The following CDH13 variants were observed in gnomAD, a reference collection of about 807,000 sequenced individuals.
CDH13 encodes cadherin 13.
A neutral mutation model predicts 63.8 loss-of-function variants in CDH13; 24 were observed. The observed-to-expected ratio is 0.38, with a 90% CI of 0.27 to 0.53. The LOEUF (loss-of-function observed/expected upper bound fraction) is 0.53, where lower values mean the gene tolerates loss of function less well. CDH13 is among the 20% of genes least tolerant of loss of function. The pLI, the probability that CDH13 is intolerant of heterozygous loss-of-function variation, is 0.85. For missense variants in CDH13, 1,049 were observed against 903.1 expected, an observed-to-expected ratio of 1.16 and a Z score of -2.07; for synonymous variants, 503 against 355.3, an observed-to-expected ratio of 1.42 and a Z score of -4.67.
rs186644136 is a variant in CDH13 at position 83,696,884 on chromosome 16, C to A, written c.1538+18423C>A. On this transcript the variant is annotated intron_variant, in intron 10 of 13. Coordinates refer to ENST00000567109, the MANE Select transcript of CDH13 (RefSeq NM_001257.5). ...CCGTCTCTCCCCTGATGAAGCCCTT[C>A]AGTGCCTCCCATTTCACACTGAAGT... Among the ~76,000 whole-genome samples, 267 of 152,294 alleles carry A rather than the reference C, an allele frequency of 1.8e-3. 1 individual carries two copies. The highest frequency in any genetic ancestry group is 6.2e-3 in the African/African-American group (258 of 41,562).
At chr16:83,492,045 G>C (rs1042972353) in intron 7 of CDH13, among the ~76,000 whole-genome samples, 1 of 152,152 alleles carries the variant, frequency 6.6e-6, no homozygotes, top group African/African-American at 2.4e-5. Flanking sequence ...ATGCCATCTA[G>C]CCAACGAATT....
intron 2 of CDH13, among the ~76,000 whole-genome samples, chr16:82,901,841 G>A (rs560536510): frequency 2.0e-5 from 3 of 152,170 alleles, no homozygotes; most frequent in African/African-American, 4.8e-5. Flanking sequence ...TGAGGGTTTC[G>A]TTAAACTTGT....
At chr16:83,471,297 C>G (rs1190689810) in intron 6 of CDH13, among the ~76,000 whole-genome samples, 2 of 91,164 alleles carry the variant, frequency 2.2e-5, no homozygotes, top group Non-Finnish European at 4.0e-5. Flanking sequence ...TTTTTTGAGA[C>G]GTAGTTTTAC....
At chr16:82,921,435 C>A (rs540447599) in intron 2 of CDH13, among the ~76,000 whole-genome samples, 1 of 152,282 alleles carries the variant, frequency 6.6e-6, no homozygotes, top group African/African-American at 2.4e-5. Context: ...ATAGAATCTC[C>A]TTCTCAATTC....
chr16:83,341,580 TCTA>T (rs1276341109), intron 5 of CDH13, among the ~76,000 whole-genome samples: 1 of 152,190 alleles, frequency 6.6e-6, no homozygotes, highest in Non-Finnish European at 1.5e-5. Context: ...TTTTATTCAG[TCTA>T]CTATGTTTTC....
At chr16:82,758,600 G>A (rs557888358) in intron 1 of CDH13, among the ~76,000 whole-genome samples, 1 of 152,320 alleles carries the variant, frequency 6.6e-6, no homozygotes, top group Admixed American at 6.5e-5. Context: ...GAGCCAATCA[G>A]CAGCCTCTAG....
At chr16:82,764,097 G>T (rs1174396153) in intron 1 of CDH13, among the ~76,000 whole-genome samples, 2 of 152,174 alleles carry the variant, frequency 1.3e-5, no homozygotes, top group African/African-American at 4.8e-5. Context: ...CGTAGACCTG[G>T]CTTGTTCCTT....
chr16:83,096,001 G>A (rs957768033), intron 3 of CDH13, among the ~76,000 whole-genome samples: 4 of 152,188 alleles, frequency 2.6e-5, no homozygotes, highest in African/African-American at 9.6e-5. Flanking sequence ...CATGTCTTTA[G>A]GAGGTAGCAA....
chr16:83,558,919 C>G (rs1306979363), intron 7 of CDH13, among the ~76,000 whole-genome samples: 1 of 151,586 alleles, frequency 6.6e-6, no homozygotes, highest in Non-Finnish European at 1.5e-5. Flanking sequence ...TCCTCTGTAT[C>G]TGTGGCACAA....
chr16:82,973,906 C>A (rs1033670955), intron 2 of CDH13, among the ~76,000 whole-genome samples: 1 of 152,004 alleles, frequency 6.6e-6, no homozygotes, highest in Non-Finnish European at 1.5e-5. Flanking sequence ...TTTTTGCTTT[C>A]CCTCTCTAAG....
At chr16:83,320,173 A>G (rs987628737) in intron 5 of CDH13, among the ~76,000 whole-genome samples, 8 of 151,490 alleles carry the variant, frequency 5.3e-5, no homozygotes, top group African/African-American at 1.9e-4. Context: ...ACGAGTAGCT[A>G]CGACTACAGG....
At chr16:82,958,924 C>G (rs1348732967) in intron 2 of CDH13, among the ~76,000 whole-genome samples, 1 of 152,254 alleles carries the variant, frequency 6.6e-6, no homozygotes. Flanking sequence ...CGAATGAAAT[C>G]TACCCCCAAG....
chr16:83,034,287 C>T (rs901168911), intron 3 of CDH13, among the ~76,000 whole-genome samples: 5 of 152,132 alleles, frequency 3.3e-5, no homozygotes, highest in African/African-American at 9.7e-5. Flanking sequence ...GAGGGTGGAA[C>T]CTATCTGCCA....
chr16:82,908,267 C>G (rs141845831), intron 2 of CDH13, among the ~76,000 whole-genome samples: 1 of 152,070 alleles, frequency 6.6e-6, no homozygotes, highest in Non-Finnish European at 1.5e-5. Flanking sequence ...GGAGGAGGTG[C>G]CTTCTTTTGG....
chr16:82,639,278 G>C lies in CDH13; in HGVS notation c.45+12141G>C. The stretch of plus-strand genomic sequence containing the variant: ...GGTCTGGGCCCTGGACTTCCTGTCT[G>C]GGCTACTGATTGCAACCTTCAGAAC... On this transcript the variant is annotated intron_variant, in intron 1 of 13. Coordinates refer to ENST00000567109, the MANE Select transcript of CDH13 (RefSeq NM_001257.5). 3.3e-6 allele frequency: 3 copies of C among 909,554 alleles called. No homozygotes were observed. The South Asian group carries it at 5.6e-5, about 17-fold the overall frequency. The allele number at this position is 909,554 out of a possible 1,614,324, so 56.3% of individuals were successfully genotyped here. A position where few individuals can be genotyped will look rare whatever the true frequency, so the allele number is the denominator to read the frequency against.
chr16:82,702,449 C>A (rs1301929158), intron 1 of CDH13, among the ~76,000 whole-genome samples: 1 of 152,214 alleles, frequency 6.6e-6, no homozygotes, highest in Non-Finnish European at 1.5e-5. Context: ...CCAGGGCCCA[C>A]ATGCAGTACC....
intron 10 of CDH13, among the ~76,000 whole-genome samples, chr16:83,727,274 C>T (rs1910522267): frequency 6.6e-6 from 1 of 151,900 alleles, no homozygotes; most frequent in Non-Finnish European, 1.5e-5. Flanking sequence ...AATCAGCTAA[C>T]ATGTGATATC....
At chr16:83,487,116 G>A (rs1389217351) in intron 7 of CDH13, among the ~76,000 whole-genome samples, 1 of 151,934 alleles carries the variant, frequency 6.6e-6, no homozygotes, top group Admixed American at 6.6e-5. Flanking sequence ...ATTCCCCCTT[G>A]AACCCCTCTC....
At chr16:82,939,565 C>G (rs1294533760) in intron 2 of CDH13, among the ~76,000 whole-genome samples, 1 of 152,004 alleles carries the variant, frequency 6.6e-6, no homozygotes, top group East Asian at 1.9e-4. Flanking sequence ...GTGAGATCCC[C>G]AAGTACACTC....
Sources: allele counts gnomAD v4.1 joint callset (sites outside exome capture counted in the v4.1 genomes callset), GRCh38; gene constraint gnomAD v4.1.1; transcripts MANE v1.5; gene names NCBI Gene and HGNC (gene_info 2026-07-23, HGNC 2026-07-21).